PIK3C3: variants seen among roughly 807,000 people sequenced by gnomAD.
PIK3C3 encodes phosphatidylinositol 3-kinase catalytic subunit type 3.
PIK3C3 carries 95 observed loss-of-function variants against 126.1 expected under a neutral mutation model. That is an observed-to-expected ratio of 0.75 (90% CI 0.64 to 0.89). The LOEUF (loss-of-function observed/expected upper bound fraction) is 0.89. Ranked by LOEUF, PIK3C3 falls within the 40% of genes least tolerant of loss-of-function variation. PIK3C3 has a pLI of 0.00. For missense variants in PIK3C3, 829 were observed against 1,063.2 expected (o/e 0.78, Z 3.06); for synonymous variants, 374 against 360.0 (o/e 1.04, Z -0.44).
chr18:42,013,394 A>G lies in PIK3C3; in HGVS notation c.1171-48A>G, dbSNP rs192914951. The G allele has an allele frequency of 7.8e-4, 829 of 1,058,806 alleles. 1 individual carries two copies. In the African/African-American group the frequency reaches 0.012, roughly 15 times the overall value. The allele number at this position is 1,058,806 out of a possible 1,614,324, so 65.6% of individuals were successfully genotyped here. On this transcript the variant is annotated intron_variant, in intron 10 of 24. Coordinates refer to ENST00000262039, the MANE Select transcript of PIK3C3 (RefSeq NM_002647.4). ...TTAGGAATAAATTATGTCTGTAATAATTTTGCATTCTTTTCCTAATATTAC... is the reference window on the plus strand; with the variant it reads ...TTAGGAATAAATTATGTCTGTAATAGTTTTGCATTCTTTTCCTAATATTAC...
At chr18:42,027,626 A>G (rs1983630664) in intron 14 of PIK3C3, 78 bp downstream of exon 14, 4 of 682,196 alleles carry the variant, frequency 5.9e-6, no homozygotes, top group Non-Finnish European at 7.5e-6. Flanking sequence ...GGAACATCCC[A>G]TGAGCTAAAA....
intron 3 of PIK3C3, 91 bp downstream of exon 3, chr18:41,962,723 C>A: frequency 8.0e-7 from 1 of 1,252,012 alleles, no homozygotes; most frequent in Non-Finnish European, 1.1e-6. Flanking sequence ...ATAGTTTATG[C>A]TCAGTCTCCA....
intron 12 of PIK3C3, among the ~76,000 whole-genome samples, chr18:42,016,377 C>T (rs772345935): frequency 1.4e-4 from 21 of 152,278 alleles, no homozygotes; most frequent in Admixed American, 2.0e-4. Flanking sequence ...CAATCTGCTA[C>T]AGTCTAAGTT....
intron 13 of PIK3C3, 67 bp from the exon 14 acceptor site, chr18:42,027,376 A>C (rs139706830): frequency 1.2e-4 from 92 of 794,118 alleles, no homozygotes; most frequent in African/African-American, 1.1e-3. Flanking sequence ...GTGAAATGAT[A>C]TGAGTATTTA....
intron 9 of PIK3C3, among the ~76,000 whole-genome samples, chr18:42,001,765 G>A (rs1214780022): frequency 6.6e-6 from 1 of 151,990 alleles, no homozygotes; most frequent in Non-Finnish European, 1.5e-5. Flanking sequence ...TGAGTACATC[G>A]GCATGCTACA....
rs572188113 is a variant in PIK3C3 at position 41,962,224 on chromosome 18, A to G, written c.258-265A>G. Among the ~76,000 whole-genome samples the G allele has an allele frequency of 3.3e-5, 5 of 152,166 alleles. No individual in the cohort carries two copies. The South Asian group carries it at 8.3e-4, about 25-fold the overall frequency. The stretch of plus-strand genomic sequence containing the variant: ...TTTCCCAGGTTTTTTTCGCCATTAT[A>G]TTATCTGGTGTCTTGGTGTTTTCTG... On this transcript the variant is annotated intron_variant, in intron 2 of 24. Coordinates refer to ENST00000262039, the MANE Select transcript of PIK3C3 (RefSeq NM_002647.4).
At chr18:41,994,266 A>G (rs1405509521) in intron 7 of PIK3C3, among the ~76,000 whole-genome samples, 2 of 152,204 alleles carry the variant, frequency 1.3e-5, no homozygotes, top group African/African-American at 4.8e-5. Context: ...AAAGACCTTG[A>G]TAGTTCCTAT....
At chr18:41,990,319 T>C (rs935838424) in intron 5 of PIK3C3, 140 bp from the exon 6 acceptor site, 1 of 621,164 alleles carries the variant, frequency 1.6e-6, no homozygotes, top group African/African-American at 1.9e-5. Flanking sequence ...TACATGTATA[T>C]AATAAAATAA....
chr18:42,061,754 A>C (rs1330547003), intron 22 of PIK3C3, among the ~76,000 whole-genome samples: 1 of 152,222 alleles, frequency 6.6e-6, no homozygotes, highest in African/African-American at 2.4e-5. Flanking sequence ...TTATTCACAA[A>C]GTATGTGGAT....
chr18:42,069,483 C>G (rs1444201481), intron 24 of PIK3C3, among the ~76,000 whole-genome samples: 1 of 152,212 alleles, frequency 6.6e-6, no homozygotes, highest in Non-Finnish European at 1.5e-5. Context: ...CAGTGTCTTG[C>G]TCATCACTAT....
At chr18:42,073,447 C>G (rs931116011) in intron 24 of PIK3C3, among the ~76,000 whole-genome samples, 2 of 152,196 alleles carry the variant, frequency 1.3e-5, no homozygotes, top group African/African-American at 4.8e-5. Flanking sequence ...TACCTGTCCT[C>G]TAAGGAATGT....
chr18:41,996,593 C>A, intron 8 of PIK3C3, 45 bp from the exon 9 acceptor site: 1 of 840,660 alleles, frequency 1.2e-6, no homozygotes, highest in Non-Finnish European at 1.9e-6. Flanking sequence ...ATATATAGGA[C>A]ATGTATTGTT....
intron 20 of PIK3C3, among the ~76,000 whole-genome samples, chr18:42,046,712 C>T (rs924223550): frequency 6.6e-6 from 1 of 152,086 alleles, no homozygotes; most frequent in Admixed American, 6.5e-5. Context: ...ATCTCCTCAA[C>T]GTTTCTGAGG....
At chr18:42,024,237 C>T (rs543856663) in intron 13 of PIK3C3, among the ~76,000 whole-genome samples, 1 of 152,272 alleles carries the variant, frequency 6.6e-6, no homozygotes, top group African/African-American at 2.4e-5. Flanking sequence ...TGCATTCCTA[C>T]TTTAAGATGA....
At chr18:42,058,963 C>T (rs1354389092) in intron 22 of PIK3C3, among the ~76,000 whole-genome samples, 1 of 152,190 alleles carries the variant, frequency 6.6e-6, no homozygotes. Context: ...CACATGGGTT[C>T]TGTTTCCTTT....
chr18:41,991,529 T>C (rs1981777303), intron 6 of PIK3C3, among the ~76,000 whole-genome samples: 1 of 152,196 alleles, frequency 6.6e-6, no homozygotes, highest in Admixed American at 6.6e-5. Flanking sequence ...CAAGCTGATA[T>C]GCAGTGTATT....
chr18:41,977,868 T>G (rs1452289506), intron 4 of PIK3C3, among the ~76,000 whole-genome samples: 1 of 152,166 alleles, frequency 6.6e-6, no homozygotes. Context: ...AGCTCAGGCT[T>G]TTGTCAGATT....
chr18:42,017,900 G>T (rs1343338016), intron 12 of PIK3C3, among the ~76,000 whole-genome samples: 1 of 151,654 alleles, frequency 6.6e-6, no homozygotes, highest in African/African-American at 2.4e-5. Context: ...TTTATAACTG[G>T]AACTTTTGCC....
intron 24 of PIK3C3, among the ~76,000 whole-genome samples, chr18:42,078,630 C>T (rs1422346717): frequency 6.6e-6 from 1 of 152,036 alleles, no homozygotes; most frequent in African/African-American, 2.4e-5. Context: ...TTCCCTGTAG[C>T]GTGAAAGTCC....
Sources: gnomAD v4.1 joint callset for allele counts (sites outside exome capture counted in the v4.1 genomes callset) on GRCh38, gnomAD v4.1.1 for gene constraint, MANE v1.5 for transcripts, NCBI Gene and HGNC (gene_info 2026-07-23, HGNC 2026-07-21) for gene names.